The following TDRD3 variants were observed in gnomAD, a reference collection of about 807,000 sequenced individuals.
TDRD3 encodes tudor domain-containing protein 3.
In TDRD3, 45 loss-of-function variants were observed where a neutral mutation model predicts 86.7. The ratio of observed to expected loss-of-function variants is 0.52; its 90% CI spans 0.41 to 0.67. The LOEUF (loss-of-function observed/expected upper bound fraction) is 0.67. Ranked by LOEUF, TDRD3 falls within the 30% of genes least tolerant of loss-of-function variation. TDRD3 has a pLI of 0.00. For missense variants in TDRD3, 814 were observed against 889.0 expected (o/e 0.92, Z 1.07); for synonymous variants, 298 against 301.7 (o/e 0.99, Z 0.13).
chr13:60,525,013 G>A (rs193031989), intron 10 of TDRD3, among the ~76,000 whole-genome samples: 1 of 142,306 alleles, frequency 7.0e-6, no homozygotes. Context: ...CTTGAACCCG[G>A]GAGGTGGAGG....
chr13:60,459,539 T>C (rs1381539525), intron 3 of TDRD3, among the ~76,000 whole-genome samples: 3 of 152,200 alleles, frequency 2.0e-5, no homozygotes, highest in African/African-American at 7.2e-5. Context: ...CTTCTTCAAC[T>C]TTTTAGTTTT....
chr13:60,508,980 T>C (rs1259388187), intron 8 of TDRD3, among the ~76,000 whole-genome samples: 2 of 152,200 alleles, frequency 1.3e-5, no homozygotes, highest in South Asian at 2.1e-4. Context: ...AGAAAGACTT[T>C]AAATGGACTG....
chr13:60,473,283 G>T (rs1248535631), intron 5 of TDRD3, among the ~76,000 whole-genome samples: 1 of 152,108 alleles, frequency 6.6e-6, no homozygotes, highest in Non-Finnish European at 1.5e-5. Context: ...ATTCATGAGG[G>T]AAAAATATTC....
rs750425254 is a variant in TDRD3, at chr13:60,460,417, G to T, written c.230G>T (p.Arg77Leu). The change falls in exon 4 of 14, where the codon CGC (arginine) becomes CTC (leucine). Residue 77 changes from arginine to leucine, a missense_variant. By Grantham distance (102) the Arg-to-Leu change is moderately radical. Transcript: ENST00000377881. ...TGTGTTTTGCAAATTCAAAAAATTC[G>T]CAATGTTGCTGCACCAAAGGATAAT... ...GPCVLQIQKI[R>L]NVAAPKDNEE... 7 of 1,601,126 alleles carry T rather than the reference G, an allele frequency of 4.4e-6. No homozygotes were observed. The highest frequency in any genetic ancestry group is 1.1e-5 in the South Asian group (1 of 87,774).
chr13:60,454,149 C>T (rs894488194), intron 3 of TDRD3, among the ~76,000 whole-genome samples: 4 of 152,036 alleles, frequency 2.6e-5, no homozygotes, highest in South Asian at 2.1e-4. Context: ...GTTTTGGTTA[C>T]GGATTTCTAA....
intron 3 of TDRD3, among the ~76,000 whole-genome samples, chr13:60,450,176 G>A (rs1031036494): frequency 6.6e-6 from 1 of 151,988 alleles, no homozygotes; most frequent in African/African-American, 2.4e-5. Flanking sequence ...ACAGTTTTTT[G>A]TTGCTAGAGC....
chr13:60,416,579 A>G (rs1207464883), intron 1 of TDRD3, among the ~76,000 whole-genome samples: 1 of 152,212 alleles, frequency 6.6e-6, no homozygotes, highest in East Asian at 1.9e-4. Context: ...TAGCACATGT[A>G]TGACTGTGTT....
chr13:60,494,325 C>A, intron 7 of TDRD3, 110 bp from the exon 8 acceptor site: 1 of 1,147,400 alleles, frequency 8.7e-7, no homozygotes, highest in Non-Finnish European at 1.2e-6. Context: ...TCATGTAAAA[C>A]ATAATTAGGA....
chr13:60,403,969 G>A (rs1194135760), intron 1 of TDRD3, among the ~76,000 whole-genome samples: 2 of 152,200 alleles, frequency 1.3e-5, no homozygotes, highest in Non-Finnish European at 2.9e-5. Context: ...ACAAAGCACT[G>A]TGTTGCTGAG....
intron 7 of TDRD3, among the ~76,000 whole-genome samples, chr13:60,487,429 T>C (rs1341561260): frequency 1.3e-5 from 2 of 151,862 alleles, no homozygotes; most frequent in African/African-American, 2.4e-5. Flanking sequence ...TGAGCCAAGA[T>C]TGCACCATTG....
chr13:60,549,614 G>T (rs1015110833), intron 12 of TDRD3, among the ~76,000 whole-genome samples: 9 of 152,116 alleles, frequency 5.9e-5, no homozygotes, highest in African/African-American at 2.2e-4. Context: ...GGACAAACGT[G>T]AGAGATATCA....
intron 5 of TDRD3, among the ~76,000 whole-genome samples, chr13:60,478,836 C>G (rs1468787572): frequency 1.5e-5 from 2 of 133,054 alleles, no homozygotes; most frequent in East Asian, 2.3e-4. Flanking sequence ...TGGAGTCTCA[C>G]TGTGTCATCC....
intron 1 of TDRD3, among the ~76,000 whole-genome samples, chr13:60,404,522 G>C (rs1290364541): frequency 1.3e-5 from 2 of 151,672 alleles, no homozygotes; most frequent in African/African-American, 4.8e-5. Context: ...GTTTTAGCCG[G>C]GATGGTCTCG....
At position 60,565,041 on chromosome 13, in the gene TDRD3, C is replaced by CTTTTTTTTTTT. The variant is rs869194148; in HGVS notation, c.2119-2462_2119-2452dup. Among the ~76,000 whole-genome samples the CTTTTTTTTTTT allele has an allele frequency of 2.4e-4, 17 of 70,878 alleles. 1 individual carries two copies. The highest frequency in any genetic ancestry group is 8.7e-4 in the African/African-American group (14 of 16,182). 46.5% of individuals were successfully genotyped at this position (70,878 alleles called of 152,430 possible). A position where few individuals can be genotyped will look rare whatever the true frequency, so the allele number is the denominator to read the frequency against. On this transcript the variant is annotated intron_variant, in intron 12 of 13. Coordinates refer to ENST00000377881, the MANE Select transcript of TDRD3 (RefSeq NM_001146070.2). ...GAACTGAAAACCAAACTATCAGTAT[C>CTTTTTTTTTTT]TTTTTTTTTTTTTTTTTTTTTTTTT...
intron 12 of TDRD3, among the ~76,000 whole-genome samples, chr13:60,552,324 C>T (rs897342793): frequency 1.3e-4 from 20 of 152,346 alleles, no homozygotes; most frequent in African/African-American, 4.8e-4. Flanking sequence ...TGAAACCTGG[C>T]AGGGCACTCA....
intron 1 of TDRD3, among the ~76,000 whole-genome samples, chr13:60,400,096 C>T (rs1440839555): frequency 6.6e-6 from 1 of 152,176 alleles, no homozygotes; most frequent in Admixed American, 6.5e-5. Flanking sequence ...TGTTCCAGGG[C>T]TTTCTACAGA....
chr13:60,548,991 T>C (rs985356894), intron 12 of TDRD3, among the ~76,000 whole-genome samples: 12 of 152,070 alleles, frequency 7.9e-5, no homozygotes, highest in African/African-American at 2.9e-4. Flanking sequence ...CATCCAACAG[T>C]AGGAGAATGG....
chr13:60,494,931 A>G (rs1418545534), intron 8 of TDRD3, among the ~76,000 whole-genome samples: 1 of 152,150 alleles, frequency 6.6e-6, no homozygotes, highest in Admixed American at 6.6e-5. Context: ...TTTGTTTTCT[A>G]CTGCTCTTTG....
chr13:60,446,705 T>C (rs998250829), intron 3 of TDRD3, among the ~76,000 whole-genome samples: 5 of 152,174 alleles, frequency 3.3e-5, no homozygotes, highest in Non-Finnish European at 7.3e-5. Flanking sequence ...CCATATGTTA[T>C]ATAAAAATGT....
Sources: gnomAD v4.1 joint callset for allele counts (sites outside exome capture counted in the v4.1 genomes callset) on GRCh38, gnomAD v4.1.1 for gene constraint, MANE v1.5 for transcripts, NCBI Gene and HGNC (gene_info 2026-07-23, HGNC 2026-07-21) for gene names.